ADCY1: variants seen among roughly 807,000 people sequenced by gnomAD.
ADCY1 encodes the protein adenylate cyclase 1, also known as adenylate cyclase type 1.
Under a neutral mutation model 105.4 loss-of-function variants are expected in ADCY1, and 28 were observed. The observed-to-expected ratio is 0.27, with a 90% CI of 0.20 to 0.36. The LOEUF is 0.36. Ranked by LOEUF, ADCY1 falls within the 10% of genes least tolerant of loss-of-function variation. The pLI is 1.00. For missense variants in ADCY1, 977 were observed against 1,434.2 expected (o/e 0.68, Z 5.15); for synonymous variants, 655 against 623.8 (o/e 1.05, Z -0.75).
intron 1 of ADCY1, among the ~76,000 whole-genome samples, chr7:45,587,063 A>G (rs62459977): frequency 7.4e-4 from 113 of 152,336 alleles, no homozygotes; most frequent in Non-Finnish European, 1.4e-3. Context: ...GGGTGATGTC[A>G]TGTTGAAAAT....
At chr7:45,620,767 A>G (rs1793869579) in intron 3 of ADCY1, among the ~76,000 whole-genome samples, 1 of 152,248 alleles carries the variant, frequency 6.6e-6, no homozygotes, top group South Asian at 2.1e-4. Context: ...GGAGGCCAGA[A>G]GGCAGTGGAA....
chr7:45,594,525 C>G (rs1793018861), intron 2 of ADCY1, among the ~76,000 whole-genome samples: 1 of 152,012 alleles, frequency 6.6e-6, no homozygotes, highest in Non-Finnish European at 1.5e-5. Flanking sequence ...CTTTTGTCTC[C>G]CTCCCATTTC....
chr7:45,681,144 T>C (rs1784547105), intron 11 of ADCY1, among the ~76,000 whole-genome samples: 1 of 152,160 alleles, frequency 6.6e-6, no homozygotes, highest in Admixed American at 6.5e-5. Flanking sequence ...AAAATAATAT[T>C]CAAATTAAGA....
At chr7:45,583,256 C>A (rs894874686) in intron 1 of ADCY1, among the ~76,000 whole-genome samples, 1 of 152,132 alleles carries the variant, frequency 6.6e-6, no homozygotes, top group Non-Finnish European at 1.5e-5. Flanking sequence ...TGTTTCCATG[C>A]GTGTATGCTT....
intron 14 of ADCY1, among the ~76,000 whole-genome samples, chr7:45,692,800 A>G (rs368495949): frequency 4.6e-5 from 7 of 152,212 alleles, no homozygotes; most frequent in African/African-American, 1.4e-4. Flanking sequence ...CACATTGCAC[A>G]TCTTAGATAT....
intron 6 of ADCY1, among the ~76,000 whole-genome samples, chr7:45,659,645 T>TGACCA (rs1308200893): frequency 6.6e-6 from 1 of 152,240 alleles, no homozygotes; most frequent in Non-Finnish European, 1.5e-5. Context: ...CTCCTTGTGC[T>TGACCA]GACCAGACCA....
In ADCY1 at chr7:45,610,489, C is replaced by T; in HGVS notation, c.900C>T (p.Asp300=). The change falls in exon 3 of 20, where the codon GAC becomes GAT. Residue 300 remains aspartate, a synonymous_variant. Coordinates refer to ENST00000297323, the MANE Select transcript of ADCY1 (RefSeq NM_021116.4). ...IFHKIYIQRH[D]NVSILFADIV... is the part of the protein sequence containing the mutation. ...ACAAGATTTACATCCAGAGGCACGACAATGTGAGGTAGGGCTGGTGCTGAC... is the reference window on the plus strand; with the variant it reads ...ACAAGATTTACATCCAGAGGCACGATAATGTGAGGTAGGGCTGGTGCTGAC... 6.2e-7 allele frequency: 1 copy of T among 1,613,518 alleles called. No individual in the cohort carries two copies. Among genetic ancestry groups the T allele is most frequent in the Non-Finnish European group, 8.5e-7 (1 of 1,179,684 alleles).
At chr7:45,672,326 C>A (rs1784382546) in intron 8 of ADCY1, among the ~76,000 whole-genome samples, 1 of 152,146 alleles carries the variant, frequency 6.6e-6, no homozygotes. Flanking sequence ...CAACACCATA[C>A]TGTCTTGATT....
rs1173822832 is a variant in ADCY1, at chr7:45,703,845, C to T, written c.2718+99C>T. On this transcript the variant is annotated intron_variant, in intron 16 of 19. Coordinates refer to ENST00000297323, the MANE Select transcript of ADCY1 (RefSeq NM_021116.4). The surrounding 1 kb of genome is among the most constrained non-coding windows in gnomAD (Gnocchi z 5.9). The stretch of plus-strand genomic sequence containing the variant: ...TCACAATATGTCACATTCTTCGTAG[C>T]TGGAATGAGAGAAAGCAAATCCCGG... 7.6e-6 allele frequency: 11 copies of T among 1,448,528 alleles called. No homozygotes were observed. Among genetic ancestry groups the T allele is most frequent in the Middle Eastern group, 1.8e-4 (1 of 5,428 alleles). 89.7% of individuals were successfully genotyped at this position (1,448,528 alleles called of 1,614,324 possible).
rs1879591 is a variant in ADCY1, at chr7:45,579,921, T to A, written c.639+4739T>A. Among the ~76,000 whole-genome samples the A allele has an allele frequency of 8.2e-3, 1,253 of 152,054 alleles. 74 individuals are homozygous for A. The East Asian group carries it at 0.12, about 15-fold the overall frequency. On this transcript the variant is annotated intron_variant, in intron 1 of 19. Transcript: ENST00000297323. ...GTTTAGGGAGCAACAGCAGGGGACA[T>A]CCATGCCCCTGGAAACTGCCCCGTC... is the stretch of plus-strand genomic sequence containing the variant.
intron 1 of ADCY1, among the ~76,000 whole-genome samples, chr7:45,583,476 A>G (rs1025285513): frequency 1.3e-5 from 2 of 152,214 alleles, no homozygotes; most frequent in Non-Finnish European, 2.9e-5. Flanking sequence ...AATACAGAGC[A>G]GCTCTTTTAT....
In ADCY1 at chr7:45,686,040, G is replaced by GCCCTGCCCA. The variant is rs760606410; in HGVS notation, c.2161_2169dup (p.Thr721_Pro723dup). The GCCCTGCCCA allele has an allele frequency of 6.2e-7, 1 of 1,611,890 alleles. No individual in the cohort carries two copies. Among genetic ancestry groups the GCCCTGCCCA allele is most frequent in the South Asian group, 1.1e-5 (1 of 90,950 alleles). ...CCTTTCGTCTGGGGGCCAGCGCACA[G>GCCCTGCCCA]CCCTGCCCACCCTGCCCTGCGAGTC... On this transcript the variant is annotated inframe_insertion, in exon 13 of 20. Coordinates refer to ENST00000297323, the MANE Select transcript of ADCY1 (RefSeq NM_021116.4). The surrounding 1 kb of genome is among the most constrained non-coding windows in gnomAD (Gnocchi z 4.3).
chr7:45,711,656 C>CAT (rs1451394299), intron 19 of ADCY1, among the ~76,000 whole-genome samples: 5 of 125,448 alleles, frequency 4.0e-5, no homozygotes, highest in African/African-American at 1.2e-4. Context: ...CACACACACA[C>CAT]GTATGTATAC....
chr7:45,578,182 A>G (rs983654770), intron 1 of ADCY1, among the ~76,000 whole-genome samples: 6 of 152,150 alleles, frequency 3.9e-5, no homozygotes. Context: ...GACTATTAGC[A>G]CAGGTGGAAT....
intron 5 of ADCY1, among the ~76,000 whole-genome samples, chr7:45,653,914 T>TG (rs1461266859): frequency 1.3e-5 from 2 of 152,320 alleles, no homozygotes; most frequent in East Asian, 1.9e-4. Flanking sequence ...TTGAGTGGGC[T>TG]GGGGGGCTTC....
intron 5 of ADCY1, among the ~76,000 whole-genome samples, chr7:45,649,053 G>C (rs1475891975): frequency 1.3e-5 from 2 of 152,178 alleles, no homozygotes; most frequent in African/African-American, 4.8e-5. Context: ...CAGGAATCCT[G>C]CATATTGTCA....
chr7:45,589,327 G>A (rs570742292), intron 1 of ADCY1, among the ~76,000 whole-genome samples: 86 of 152,250 alleles, frequency 5.6e-4, no homozygotes, highest in African/African-American at 1.9e-3. Context: ...CAGATGGCCC[G>A]GGCCGGGCCG....
intron 8 of ADCY1, among the ~76,000 whole-genome samples, chr7:45,667,370 A>G (rs998849263): frequency 3.3e-5 from 5 of 152,150 alleles, no homozygotes; most frequent in Admixed American, 6.5e-5. Flanking sequence ...TCCCAGTACC[A>G]TTTATTAAAT....
chr7:45,676,692 G>C (rs971939213), intron 8 of ADCY1, among the ~76,000 whole-genome samples: 2 of 152,082 alleles, frequency 1.3e-5, no homozygotes, highest in Non-Finnish European at 2.9e-5. Context: ...ACCACTCAGT[G>C]GAGATGAGCA....
Sources: allele counts gnomAD v4.1 joint callset (sites outside exome capture counted in the v4.1 genomes callset), GRCh38; gene constraint gnomAD v4.1.1; non-coding constraint Gnocchi (gnomAD v3.1); transcripts MANE v1.5; gene names NCBI Gene and HGNC (gene_info 2026-07-23, HGNC 2026-07-21).